Variants in EEA1 observed in about 807,000 individuals in gnomAD.
EEA1 encodes the protein early endosome antigen 1, 162kD.
EEA1 carries 111 observed loss-of-function variants against 209.2 expected under a neutral mutation model. That is an observed-to-expected ratio of 0.53 (90% CI 0.45 to 0.62). EEA1 has a LOEUF of 0.62. EEA1 is among the 20% of genes least tolerant of loss of function. The pLI, the probability that EEA1 is intolerant of heterozygous loss-of-function variation, is 0.00. For synonymous variants in EEA1, 536 were observed against 540.6 expected, an observed-to-expected ratio of 0.99 and a Z score of 0.12; for missense variants, 1,343 against 1,530.8, an observed-to-expected ratio of 0.88 and a Z score of 2.05.
intron 10 of EEA1, among the ~76,000 whole-genome samples, chr12:92,842,220 T>C (rs1371307158): frequency 6.6e-6 from 1 of 151,856 alleles, no homozygotes; most frequent in East Asian, 1.9e-4. Flanking sequence ...AGACAGAAAG[T>C]AGAATGGAAG....
At chr12:92,790,525 G>GATTC (rs1874353480) in intron 21 of EEA1, among the ~76,000 whole-genome samples, 1 of 152,152 alleles carries the variant, frequency 6.6e-6, no homozygotes, top group Admixed American at 6.5e-5. Flanking sequence ...GTGGAAGAAA[G>GATTC]GGTATCAGTG....
chr12:92,894,866 A>C (rs1879801176), intron 1 of EEA1, among the ~76,000 whole-genome samples: 1 of 152,234 alleles, frequency 6.6e-6, no homozygotes. Flanking sequence ...ACAGCCTTCT[A>C]TTGGAAGATG....
At chr12:92,895,156 T>G (rs1879819796) in intron 1 of EEA1, among the ~76,000 whole-genome samples, 1 of 41,450 alleles carries the variant, frequency 2.4e-5, no homozygotes, top group South Asian at 1.2e-3. Flanking sequence ...TTTTTTTTTT[T>G]TTTTTTTTTT....
chr12:92,840,945 A>G (rs1178892033), intron 10 of EEA1, among the ~76,000 whole-genome samples: 5 of 152,198 alleles, frequency 3.3e-5, no homozygotes, highest in African/African-American at 1.2e-4. Context: ...GAATGGAATT[A>G]CAAAAGAGGC....
intron 18 of EEA1, among the ~76,000 whole-genome samples, chr12:92,805,744 G>A (rs963287495): frequency 6.6e-6 from 1 of 152,132 alleles, no homozygotes. Context: ...GGGAGTGAAC[G>A]AATGATGCTG....
At chr12:92,908,610 A>T (rs1358284046) in intron 1 of EEA1, among the ~76,000 whole-genome samples, 1 of 92,468 alleles carries the variant, frequency 1.1e-5, no homozygotes, top group Non-Finnish European at 2.3e-5. Context: ...AAGCCAAAAA[A>T]AATTGCTAAA....
At chr12:92,856,030 T>C (rs985737970) in intron 5 of EEA1, among the ~76,000 whole-genome samples, 17 of 152,340 alleles carry the variant, frequency 1.1e-4, no homozygotes, top group Admixed American at 8.5e-4. Context: ...TATCTTGTCA[T>C]TTATTTATTT....
chr12:92,843,382 C>T (rs1877255450), intron 9 of EEA1, among the ~76,000 whole-genome samples: 1 of 152,122 alleles, frequency 6.6e-6, no homozygotes, highest in East Asian at 1.9e-4. Flanking sequence ...TGGTCCCCAA[C>T]TCCTGGGCTC....
rs1874203569 is a variant in EEA1 at position 92,787,908 on chromosome 12, C to T, written c.3109G>A (p.Gly1037Arg). The T allele has an allele frequency of 6.2e-7, 1 of 1,611,816 alleles. No individual in the cohort carries two copies. The highest frequency in any genetic ancestry group is 1.7e-5 in the Admixed American group (1 of 59,708). The change falls in exon 22 of 29, where the codon GGG becomes AGG. Residue 1037 changes from glycine to arginine, a missense_variant. By Grantham distance (125) the Gly-to-Arg change is moderately radical. Coordinates refer to ENST00000322349, the MANE Select transcript of EEA1 (RefSeq NM_003566.4). ...GTGGCTAGAAGTTCAGATTCCCTCCCATAGAAATCAGATTGAAGCTGTTTG... is the reference window on the plus strand; with the variant it reads ...GTGGCTAGAAGTTCAGATTCCCTCCTATAGAAATCAGATTGAAGCTGTTTG... ...TFKQLQSDFYGRESELLATRQ... is the reference protein window; with the variant it reads ...TFKQLQSDFYRRESELLATRQ...
At chr12:92,807,320 A>G (rs1024057145) in intron 18 of EEA1, among the ~76,000 whole-genome samples, 2 of 152,144 alleles carry the variant, frequency 1.3e-5, no homozygotes, top group African/African-American at 4.8e-5. Flanking sequence ...AATCTCAGAA[A>G]AACCTACAGC....
At chr12:92,782,206 A>G (rs1873936805) in intron 22 of EEA1, 71 bp from the exon 23 acceptor site, 4 of 1,272,834 alleles carry the variant, frequency 3.1e-6, no homozygotes, top group Non-Finnish European at 4.3e-6. Flanking sequence ...CATAGTTAAT[A>G]TAAACATTGT....
chr12:92,917,020 G>GA (rs1235192191), intron 1 of EEA1, among the ~76,000 whole-genome samples: 1 of 151,268 alleles, frequency 6.6e-6, no homozygotes, highest in African/African-American at 2.4e-5. Flanking sequence ...TGAATGAAAT[G>GA]AAGTGAGAAG....
intron 28 of EEA1, among the ~76,000 whole-genome samples, 200 bp downstream of exon 28, chr12:92,776,644 G>A (rs768081148): frequency 6.6e-6 from 1 of 151,806 alleles, no homozygotes; most frequent in East Asian, 1.9e-4. Flanking sequence ...TGGAAGACAA[G>A]GACTGAATTT....
At chr12:92,912,541 T>A (rs1592774826) in intron 1 of EEA1, among the ~76,000 whole-genome samples, 1 of 152,220 alleles carries the variant, frequency 6.6e-6, no homozygotes, top group East Asian at 1.9e-4. Context: ...GTACCTTAGA[T>A]CATCCATTCT....
Position 92,832,489 on chromosome 12 carries a change from T to C in EEA1, c.1254+23A>G, listed in dbSNP as rs369365777. 7 of 1,573,494 alleles carry C rather than the reference T, an allele frequency of 4.4e-6. No homozygotes were observed. In the African/African-American group the frequency reaches 9.6e-5, roughly 22 times the overall value. Reference sequence around the variant, plus strand: ...GAAGAAACCAGAGGGAGAATTACAATAAATAAAATTAACAGCTCTTACTTG... The same window carrying C: ...GAAGAAACCAGAGGGAGAATTACAACAAATAAAATTAACAGCTCTTACTTG... On this transcript the variant is annotated intron_variant, in intron 11 of 28. Coordinates refer to ENST00000322349, the MANE Select transcript of EEA1 (RefSeq NM_003566.4).
chr12:92,789,784 C>A, intron 21 of EEA1, among the ~76,000 whole-genome samples: 1 of 152,288 alleles, frequency 6.6e-6, no homozygotes, highest in African/African-American at 2.4e-5. Context: ...CCCAGCATGG[C>A]GTTTGAGCTC....
intron 1 of EEA1, among the ~76,000 whole-genome samples, chr12:92,902,359 C>A (rs541237573): frequency 6.6e-6 from 1 of 152,096 alleles, no homozygotes; most frequent in East Asian, 1.9e-4. Context: ...GCCCTGGATG[C>A]GCAAGGTAAC....
intron 2 of EEA1, among the ~76,000 whole-genome samples, chr12:92,875,693 A>C (rs1878852006): frequency 6.6e-6 from 1 of 152,186 alleles, no homozygotes; most frequent in African/African-American, 2.4e-5. Flanking sequence ...ATTATCCGAT[A>C]GCTTTCTACG....
chr12:92,869,754 A>G (rs11106723), intron 2 of EEA1, among the ~76,000 whole-genome samples: 53 of 50,094 alleles, frequency 1.1e-3, no homozygotes, highest in African/African-American at 5.6e-3. Flanking sequence ...TTCTGCCTCA[A>G]AAAAAAAAAA....
Sources: allele counts gnomAD v4.1 joint callset (sites outside exome capture counted in the v4.1 genomes callset), GRCh38; gene constraint gnomAD v4.1.1; transcripts MANE v1.5; gene names NCBI Gene and HGNC (gene_info 2026-07-23, HGNC 2026-07-21).